Variants in COL4A5 observed in about 807,000 individuals in gnomAD.
The protein encoded by COL4A5 is collagen type IV alpha 5 chain.
In COL4A5, 26 loss-of-function variants were observed where a neutral mutation model predicts 130.2. The ratio of observed to expected loss-of-function variants is 0.20; its 90% CI spans 0.15 to 0.28. The LOEUF (loss-of-function observed/expected upper bound fraction) is 0.28, where lower values mean the gene tolerates loss of function less well. COL4A5 is among the 10% of genes least tolerant of loss of function. COL4A5 has a pLI of 1.00. For synonymous variants in COL4A5, 496 were observed against 439.6 expected, an observed-to-expected ratio of 1.13 and a Z score of -1.60; for missense variants, 1,131 against 1,344.3, an observed-to-expected ratio of 0.84 and a Z score of 2.48.
chrX:108,601,927 C>A lies in COL4A5; in HGVS notation c.2084C>A (p.Pro695His). 8.6e-7 allele frequency: 1 copy of A among 1,169,156 alleles called. No individual in the cohort carries two copies. The highest frequency in any genetic ancestry group is 1.1e-6 in the Non-Finnish European group (1 of 871,217). Residue 695 changes from proline to histidine, a missense_variant, in exon 27 of 53, where the codon CCT (proline) becomes CAT (histidine). Coordinates refer to ENST00000328300, the MANE Select transcript of COL4A5 (RefSeq NM_033380.3). The part of the protein sequence containing the change: ...LPGQPGLPGI[P>H]GSKGEPGIPG... ...GGGCAACCAGGCTTGCCAGGGATACCTGGTAGCAAAGGAGAACCAGGTATC... is the reference window on the plus strand; with the variant it reads ...GGGCAACCAGGCTTGCCAGGGATACATGGTAGCAAAGGAGAACCAGGTATC...
intron 47 of COL4A5, among the ~76,000 whole-genome samples, chrX:108,682,201 T>TCCAGTTTCATCCA (rs2068446383): frequency 9.0e-6 from 1 of 110,521 alleles, no homozygotes. Context: ...AATGATGGTT[T>TCCAGTTTCATCCA]TGTCCATGCA....
intron 1 of COL4A5, among the ~76,000 whole-genome samples, chrX:108,495,596 T>G (rs1413422915): frequency 1.8e-5 from 2 of 111,814 alleles, no homozygotes; most frequent in Non-Finnish European, 3.8e-5. Context: ...ATTGGGAAAT[T>G]GGTGACAAAG....
rs104886349 is a variant in COL4A5, at chrX:108,559,154, G to A, written c.231+1G>A. ...GCCTCCGGGGCCTCGGGGACAAAAG[G>A]TATGTATCATGTTGCCAACCAGTAA... is the stretch of plus-strand genomic sequence containing the variant. On this transcript the variant is annotated splice_donor_variant, in intron 3 of 52. Transcript: ENST00000328300. LOFTEE classifies it high-confidence loss of function. 2 of 1,194,790 alleles carry A rather than the reference G, an allele frequency of 1.7e-6. No individual in the cohort carries two copies. Among genetic ancestry groups the A allele is most frequent in the African/African-American group, 1.8e-5 (1 of 57,038 alleles).
chrX:108,519,383 G>A (rs1261729884), intron 1 of COL4A5, among the ~76,000 whole-genome samples: 1 of 111,115 alleles, frequency 9.0e-6, no homozygotes, highest in Non-Finnish European at 1.9e-5. Context: ...AAAAGTACAG[G>A]TAGTACTGAA....
intron 1 of COL4A5, among the ~76,000 whole-genome samples, chrX:108,449,363 T>C (rs1017844943): frequency 8.9e-6 from 1 of 112,060 alleles, no homozygotes; most frequent in Non-Finnish European, 1.9e-5. Context: ...GATATATTAC[T>C]TATCTAGGGA....
intron 24 of COL4A5, 144 bp from the exon 25 acceptor site, chrX:108,598,558 C>T (rs1603290555): frequency 3.6e-6 from 2 of 548,288 alleles, no homozygotes; most frequent in African/African-American, 2.3e-5. Flanking sequence ...AATGATCACA[C>T]ATACCATCTC....
At chrX:108,555,669 T>G (rs1177062320) in intron 2 of COL4A5, among the ~76,000 whole-genome samples, 1 of 111,879 alleles carries the variant, frequency 8.9e-6, no homozygotes, top group Non-Finnish European at 1.9e-5. Context: ...TGAGAAACTA[T>G]TCTTAAAATG....
At position 108,591,132 on chromosome X, in the gene COL4A5, C is replaced by G; in HGVS notation, c.1240C>G (p.Pro414Ala). 1.7e-6 allele frequency: 2 copies of G among 1,209,642 alleles called. No individual in the cohort carries two copies. The highest frequency in any genetic ancestry group is 2.2e-6 in the Non-Finnish European group (2 of 894,647). The change falls in exon 20 of 53, where the codon CCT becomes GCT. Residue 414 changes from proline to alanine, a missense_variant. By Grantham distance (27) the Pro-to-Ala change is conservative (BLOSUM62 -1). Coordinates refer to ENST00000328300, the MANE Select transcript of COL4A5 (RefSeq NM_033380.3). ...GGGTCAGAAAGGTGATGAAGGACCACCTGGAATTTCCATTCCTGGACCTCC... is the reference window on the plus strand; with the variant it reads ...GGGTCAGAAAGGTGATGAAGGACCAGCTGGAATTTCCATTCCTGGACCTCC... ...ERGQKGDEGP[P>A]GISIPGPPGL... is the part of the protein sequence containing the mutation.
At chrX:108,680,266 A>T (rs2068398663) in intron 44 of COL4A5, among the ~76,000 whole-genome samples, 1 of 111,784 alleles carries the variant, frequency 8.9e-6, no homozygotes, top group Non-Finnish European at 1.9e-5. Flanking sequence ...ATCCTGTGAC[A>T]CTTTTACAAC....
chrX:108,627,646 A>T, intron 36 of COL4A5: 1 of 574,029 alleles, frequency 1.7e-6, no homozygotes, highest in South Asian at 9.1e-5. Context: ...AAACACTTAT[A>T]ATAATGTAAC....
At chrX:108,572,295 A>G (rs1266069762) in intron 8 of COL4A5, among the ~76,000 whole-genome samples, 1 of 111,551 alleles carries the variant, frequency 9.0e-6, no homozygotes, top group East Asian at 2.8e-4. Flanking sequence ...ACTAATGCCC[A>G]TATTATTGAT....
intron 1 of COL4A5, among the ~76,000 whole-genome samples, chrX:108,507,247 C>CAAAAAAAAAAAAAAAAA (rs1195605237): frequency 2.0e-5 from 1 of 50,870 alleles, no homozygotes; most frequent in Admixed American, 2.5e-4. Context: ...ACAACAACAA[C>CAAAAAAAAAAAAAAAAA]AAAAAAAAAA....
At chrX:108,528,917 C>T (rs1017673006) in intron 1 of COL4A5, among the ~76,000 whole-genome samples, 2 of 111,825 alleles carry the variant, frequency 1.8e-5, no homozygotes. Flanking sequence ...TGAAAACTTC[C>T]CAAGTCTAGT....
chrX:108,539,984 AT>A (rs1183714329), intron 2 of COL4A5, among the ~76,000 whole-genome samples, 179 bp downstream of exon 2: 43 of 112,097 alleles, frequency 3.8e-4, no homozygotes, highest in Middle Eastern at 9.3e-3. Context: ...GTCAGCAAAG[AT>A]TTTCTGTAAA....
At chrX:108,498,535 C>G (rs1181305499) in intron 1 of COL4A5, among the ~76,000 whole-genome samples, 5 of 111,237 alleles carry the variant, frequency 4.5e-5, no homozygotes, top group Non-Finnish European at 7.6e-5. Flanking sequence ...AACAATATCT[C>G]TGATGATTTT....
At chrX:108,522,060 G>A (rs1404238661) in intron 1 of COL4A5, among the ~76,000 whole-genome samples, 1 of 110,807 alleles carries the variant, frequency 9.0e-6, no homozygotes, top group African/African-American at 3.3e-5. Flanking sequence ...ATCATGCAAC[G>A]TGTGGTATTT....
chrX:108,512,063 A>C (rs1019188958), intron 1 of COL4A5, among the ~76,000 whole-genome samples: 2 of 112,270 alleles, frequency 1.8e-5, no homozygotes, highest in Admixed American at 9.4e-5. Flanking sequence ...GAGAAAAACA[A>C]TTGCAGAAAC....
chrX:108,462,606 G>T (rs1482421455), intron 1 of COL4A5: 1 of 112,080 alleles, frequency 8.9e-6, no homozygotes, highest in Non-Finnish European at 1.9e-5. Flanking sequence ...GTCTCACTAT[G>T]TTTCCCAGGC....
At chrX:108,455,544 G>A (rs1399677192) in intron 1 of COL4A5, among the ~76,000 whole-genome samples, 1 of 112,015 alleles carries the variant, frequency 8.9e-6, no homozygotes. Flanking sequence ...GATGTAGAAC[G>A]TTTCCATTAC....
Sources: allele counts gnomAD v4.1 joint callset (sites outside exome capture counted in the v4.1 genomes callset), GRCh38; gene constraint gnomAD v4.1.1; transcripts MANE v1.5; gene names NCBI Gene and HGNC (gene_info 2026-07-23, HGNC 2026-07-21).